Variants in RUNX2 observed in about 807,000 individuals in gnomAD.
RUNX2 encodes runt-related transcription factor 2.
RUNX2 carries 10 observed loss-of-function variants against 51.7 expected under a neutral mutation model. The ratio of observed to expected loss-of-function variants is 0.19; its 90% CI spans 0.12 to 0.33. The LOEUF is 0.33. Among genes scored for constraint, RUNX2 ranks in the 10% least tolerant of loss-of-function variants. The pLI, the probability that RUNX2 is intolerant of heterozygous loss-of-function variation, is 1.00. For synonymous variants in RUNX2, 276 were observed against 273.6 expected (o/e 1.01, Z -0.09); for missense variants, 562 against 691.3 (o/e 0.81, Z 2.10).
chr6:45,420,851 T>A (rs1246550116), intron 2 of RUNX2, among the ~76,000 whole-genome samples: 1 of 152,212 alleles, frequency 6.6e-6, no homozygotes, highest in East Asian at 1.9e-4. Context: ...ACCCACGTGC[T>A]CTGACTCTCA....
chr6:45,347,132 A>G (rs564682748), intron 2 of RUNX2, among the ~76,000 whole-genome samples: 4 of 152,288 alleles, frequency 2.6e-5, no homozygotes, highest in African/African-American at 7.2e-5. Flanking sequence ...AGAAGCTAAG[A>G]CTAAAGAATT....
At position 45,547,815 on chromosome 6, in the gene RUNX2, T is replaced by A. The variant is rs546501035; in HGVS notation, c.*510T>A. ...ACATGAGGTAGAATGGATGCTTCCA[T>A]CACAGTACCATCATTCAGAATAACT... On this transcript the variant is annotated 3_prime_UTR_variant, in exon 9 of 9. Coordinates refer to ENST00000647337, the MANE Select transcript of RUNX2 (RefSeq NM_001024630.4). The A allele has an allele frequency of 1.7e-5, 3 of 177,588 alleles. No individual in the cohort carries two copies. The East Asian group carries it at 4.3e-4, about 25-fold the overall frequency. 11.0% of individuals were successfully genotyped at this position (177,588 alleles called of 1,614,324 possible).
chr6:45,482,506 C>T (rs1800145405), intron 5 of RUNX2, among the ~76,000 whole-genome samples: 2 of 152,158 alleles, frequency 1.3e-5, no homozygotes, highest in Admixed American at 6.5e-5. Context: ...TGAATTTATT[C>T]AAAGATCTCG....
Position 45,528,433 on chromosome 6 carries a change from C to T in RUNX2, c.1021+16026C>T, listed in dbSNP as rs75992304. ...GTCAGGAGTTCAAGATTAGCCTGGCCAACACAGTGAAACACCGTCTCTACT... is the reference window on the plus strand; with the variant it reads ...GTCAGGAGTTCAAGATTAGCCTGGCTAACACAGTGAAACACCGTCTCTACT... On this transcript the variant is annotated intron_variant, in intron 7 of 8. Coordinates refer to ENST00000647337, the MANE Select transcript of RUNX2 (RefSeq NM_001024630.4). Among the ~76,000 whole-genome samples the T allele has an allele frequency of 1.7e-4, 26 of 152,138 alleles. 1 individual carries two copies. The East Asian group carries it at 4.3e-3, about 25-fold the overall frequency.
chr6:45,359,622 C>T (rs1793874394), intron 2 of RUNX2, among the ~76,000 whole-genome samples: 1 of 152,100 alleles, frequency 6.6e-6, no homozygotes, highest in African/African-American at 2.4e-5. Flanking sequence ...CAAATACAAG[C>T]ATCTAATAAG....
At chr6:45,451,232 G>A (rs1016850471) in intron 5 of RUNX2, among the ~76,000 whole-genome samples, 2 of 152,172 alleles carry the variant, frequency 1.3e-5, no homozygotes, top group Admixed American at 6.5e-5. Flanking sequence ...GGAGGTGGAG[G>A]GGGAATGGCT....
At chr6:45,369,410 T>A (rs1795674662) in intron 2 of RUNX2, among the ~76,000 whole-genome samples, 1 of 152,214 alleles carries the variant, frequency 6.6e-6, no homozygotes, top group South Asian at 2.1e-4. Context: ...TTAGTTTATA[T>A]TAGTTTAATA....
intron 2 of RUNX2, among the ~76,000 whole-genome samples, chr6:45,398,052 T>C (rs1479328951): frequency 1.3e-5 from 2 of 152,250 alleles, no homozygotes; most frequent in Non-Finnish European, 2.9e-5. Flanking sequence ...CTTAGGACTT[T>C]GCCAGTGGTT....
intron 5 of RUNX2, among the ~76,000 whole-genome samples, chr6:45,471,220 T>C (rs1799789814): frequency 6.6e-6 from 1 of 152,130 alleles, no homozygotes; most frequent in Non-Finnish European, 1.5e-5. Flanking sequence ...TGTCACCAGA[T>C]TTGTTACATT....
chr6:45,536,398 T>C (rs1802034854), intron 7 of RUNX2, among the ~76,000 whole-genome samples: 1 of 152,130 alleles, frequency 6.6e-6, no homozygotes, highest in Non-Finnish European at 1.5e-5. Flanking sequence ...GGTAGCTGTA[T>C]CTTTTGGAGC....
At chr6:45,517,708 C>T (rs943270419) in intron 7 of RUNX2, among the ~76,000 whole-genome samples, 1 of 151,972 alleles carries the variant, frequency 6.6e-6, no homozygotes. Context: ...GGTGGCTAAA[C>T]TATAATATTC....
In RUNX2 at chr6:45,478,098, C is replaced by T. The variant is rs140700213; in HGVS notation, c.686-13843C>T. 5.0e-3 allele frequency among the ~76,000 whole-genome samples: 769 copies of T among 152,294 alleles called. 7 individuals carry two copies. Among genetic ancestry groups the T allele is most frequent in the African/African-American group, 0.017 (715 of 41,550 alleles). ...TACTCATTCTTTAAGTCTACTCAAA[C>T]GCTGTCTCCTCTGGGAGCCCTTCCT... On this transcript the variant is annotated intron_variant, in intron 5 of 8. Transcript: ENST00000647337.
At chr6:45,458,730 A>C (rs974384956) in intron 5 of RUNX2, among the ~76,000 whole-genome samples, 3 of 152,232 alleles carry the variant, frequency 2.0e-5, no homozygotes, top group Non-Finnish European at 4.4e-5. Context: ...TTCATTCTAC[A>C]TAAAACTCAT....
rs549303243 is a variant in RUNX2 at position 45,429,999 on chromosome 6, C to G, written c.424-1864C>G. Among the ~76,000 whole-genome samples the G allele has an allele frequency of 3.9e-5, 6 of 151,940 alleles. No homozygotes were observed. In the East Asian group the frequency reaches 1.2e-3, roughly 29 times the overall value. On this transcript the variant is annotated intron_variant, in intron 3 of 8. Coordinates refer to ENST00000647337, the MANE Select transcript of RUNX2 (RefSeq NM_001024630.4). Reference sequence around the variant, plus strand: ...ATCCCAGCTACTCGGGAGGCTGAGGCAGGAGAGTCACTTGAACCTGGGAGG... The same window carrying G: ...ATCCCAGCTACTCGGGAGGCTGAGGGAGGAGAGTCACTTGAACCTGGGAGG...
chr6:45,431,741 A>G (rs949758249), intron 3 of RUNX2, 122 bp from the exon 4 acceptor site: 2 of 1,123,052 alleles, frequency 1.8e-6, no homozygotes, highest in South Asian at 1.3e-5. Context: ...CCTGTCGGCC[A>G]TTACTGGACT....
intron 2 of RUNX2, among the ~76,000 whole-genome samples, chr6:45,330,635 G>T (rs928962827): frequency 6.6e-6 from 1 of 151,850 alleles, no homozygotes; most frequent in African/African-American, 2.4e-5. Flanking sequence ...TCATAACAGG[G>T]ATCTTATACT....
intron 5 of RUNX2, among the ~76,000 whole-genome samples, chr6:45,447,039 G>A (rs1799020516): frequency 6.6e-6 from 1 of 152,200 alleles, no homozygotes; most frequent in Admixed American, 6.5e-5. Flanking sequence ...TAGGTTTAAG[G>A]CTTAAACCCA....
chr6:45,497,886 C>T (rs1036744187), intron 6 of RUNX2, among the ~76,000 whole-genome samples: 5 of 152,160 alleles, frequency 3.3e-5, no homozygotes, highest in African/African-American at 1.2e-4. Flanking sequence ...TTATCCTAGC[C>T]TTAATATTTT....
In RUNX2 at chr6:45,547,176, C is replaced by T. The variant is rs745395833; in HGVS notation, c.1437C>T (p.Gly479=). ...MLPPCTTTSN[G]STLLNPNLPN... ...CGCCATGCACCACCACCTCGAATGG[C>T]AGCACGCTATTAAATCCAAATTTGC... Residue 479 remains glycine, a synonymous_variant, in exon 9 of 9, where the codon GGC becomes GGT. Transcript: ENST00000647337. 2.5e-5 allele frequency: 40 copies of T among 1,614,062 alleles called. No individual in the cohort carries two copies. Among genetic ancestry groups the T allele is most frequent in the Non-Finnish European group, 3.2e-5 (38 of 1,180,038 alleles).
Sources: allele counts gnomAD v4.1 joint callset (sites outside exome capture counted in the v4.1 genomes callset), GRCh38; gene constraint gnomAD v4.1.1; transcripts MANE v1.5; gene names NCBI Gene and HGNC (gene_info 2026-07-23, HGNC 2026-07-21).